Variants in CCNC observed in about 807,000 individuals in gnomAD.
CCNC encodes the protein cyclin C.
In CCNC, 19 loss-of-function variants were observed where a neutral mutation model predicts 50.0. That is an observed-to-expected ratio of 0.38 (90% CI 0.27 to 0.56). The LOEUF is 0.56. CCNC is among the 20% of genes least tolerant of loss of function. The pLI is 0.72. For missense variants in CCNC, 200 were observed against 327.1 expected (o/e 0.61, Z 3.00); for synonymous variants, 93 against 103.7 (o/e 0.90, Z 0.63).
Position 99,549,032 on chromosome 6 carries a change from T to C in CCNC, c.598+476A>G, listed in dbSNP as rs553866448. ...GAGGTAAAGTTTAAGCCTAGGACTA[T>C]CTGACTCCACCCATTACAGCACTGC... is the stretch of plus-strand genomic sequence containing the variant. On this transcript the variant is annotated intron_variant, in intron 9 of 11. Coordinates refer to ENST00000520429, the MANE Select transcript of CCNC (RefSeq NM_005190.4). Among the ~76,000 whole-genome samples the C allele has an allele frequency of 2.4e-4, 36 of 152,222 alleles. No homozygotes were observed. In the South Asian group the frequency reaches 3.3e-3, roughly 14 times the overall value.
In CCNC at chr6:99,543,620, G is replaced by A. The variant is rs149039095; in HGVS notation, c.798-11C>T. ...CCCTGCTCTCCTTCACTGTTCAAAT[G>A]GGGAAGAAAGAGATTTTATACCAAT... On this transcript the variant is annotated splice_polypyrimidine_tract_variant and intron_variant, in intron 11 of 11. Coordinates refer to ENST00000520429, the MANE Select transcript of CCNC (RefSeq NM_005190.4). The A allele has an allele frequency of 1.4e-4, 223 of 1,612,730 alleles. 1 individual carries two copies. In the East Asian group the frequency reaches 4.9e-3, roughly 36 times the overall value.
At position 99,561,348 on chromosome 6, in the gene CCNC, A is replaced by T. The variant is rs760022585; in HGVS notation, c.294+19T>A. The stretch of plus-strand genomic sequence containing the variant: ...TACATTGACTACACTTTGATGAAGA[A>T]CAGAAAATTGTTTTATACCTCTACT... On this transcript the variant is annotated intron_variant, in intron 4 of 11. Transcript: ENST00000520429. 12 of 1,545,428 alleles carry T rather than the reference A, an allele frequency of 7.8e-6. No homozygotes were observed. The highest frequency in any genetic ancestry group is 1.4e-5 in the African/African-American group (1 of 73,418).
intron 1 of CCNC, among the ~76,000 whole-genome samples, chr6:99,566,216 A>C (rs555756878): frequency 6.6e-6 from 1 of 152,030 alleles, no homozygotes; most frequent in South Asian, 2.1e-4. Context: ...TCTAAGAATT[A>C]GCTTTTATAA....
In CCNC at chr6:99,556,945, A is replaced by C. The variant is rs182207406; in HGVS notation, c.346+1552T>G. On this transcript the variant is annotated intron_variant, in intron 5 of 11. Coordinates refer to ENST00000520429, the MANE Select transcript of CCNC (RefSeq NM_005190.4). The stretch of plus-strand genomic sequence containing the variant: ...CAAATAACTAACTTTCATTACTGTC[A>C]ATAGAACAAAGTGCAGATTCCTTCA... Among the ~76,000 whole-genome samples the C allele has an allele frequency of 2.5e-3, 379 of 152,316 alleles. 6 individuals carry two copies. Among genetic ancestry groups the C allele is most frequent in the Admixed American group, 6.3e-3 (97 of 15,300 alleles).
intron 1 of CCNC, chr6:99,568,219 A>G (rs1769236812): frequency 3.9e-6 from 2 of 513,314 alleles, no homozygotes; most frequent in Non-Finnish European, 7.0e-6. Flanking sequence ...TAGCTAAACC[A>G]AGAATCCGAA....
At chr6:99,567,143 A>G (rs1303955807) in intron 1 of CCNC, 2 of 212,558 alleles carry the variant, frequency 9.4e-6, no homozygotes, top group Non-Finnish European at 1.9e-5. Flanking sequence ...CTATGAATAA[A>G]TGAAAGCATA....
chr6:99,545,276 C>T (rs1222376557), intron 10 of CCNC, 46 bp from the exon 11 acceptor site: 2 of 953,702 alleles, frequency 2.1e-6, no homozygotes, highest in Non-Finnish European at 3.4e-6. Context: ...AAACAAGCAA[C>T]ATTTTTTATA....
At chr6:99,568,756 C>T (rs964166167), upstream of CCNC, 24 of 1,374,030 alleles carry the variant, frequency 1.7e-5, 1 homozygote, top group South Asian at 1.6e-4. Context: ...TTCCGGCCCG[C>T]GGTAGCGGAG....
At position 99,557,593 on chromosome 6, in the gene CCNC, T is replaced by A. The variant is rs377222391; in HGVS notation, c.346+904A>T. The A allele has an allele frequency of 3.3e-5, 5 of 151,646 alleles. 1 individual carries two copies. The East Asian group carries it at 9.7e-4, about 29-fold the overall frequency. 9.4% of individuals were successfully genotyped at this position (151,646 alleles called of 1,614,324 possible). On this transcript the variant is annotated intron_variant, in intron 5 of 11. Transcript: ENST00000520429. ...AGGCCGAGGCTAGCGGATCACGAGA[T>A]CAGGAGTTTGAGACTAGTCTGGCCA...
intron 11 of CCNC, 24 bp from the exon 12 acceptor site, chr6:99,543,633 A>AT (rs754127755): frequency 2.5e-6 from 4 of 1,612,082 alleles, no homozygotes; most frequent in Non-Finnish European, 3.4e-6. Context: ...GAAGAAAGAG[A>AT]TTTTATACCA....
intron 10 of CCNC, among the ~76,000 whole-genome samples, chr6:99,545,795 T>G (rs1017282560): frequency 6.6e-6 from 1 of 152,306 alleles, no homozygotes; most frequent in South Asian, 2.1e-4. Context: ...TGCCAGGAGA[T>G]AGGCTATGTT....
chr6:99,565,624 T>G (rs1247889512), intron 1 of CCNC, among the ~76,000 whole-genome samples: 1 of 152,078 alleles, frequency 6.6e-6, no homozygotes, highest in African/African-American at 2.4e-5. Context: ...GGCACCCTAA[T>G]TATCTCAATG....
intron 8 of CCNC, among the ~76,000 whole-genome samples, chr6:99,550,005 T>C (rs1053455238): frequency 6.6e-6 from 1 of 152,224 alleles, no homozygotes; most frequent in Non-Finnish European, 1.5e-5. Flanking sequence ...TAAATTTTAA[T>C]AGGTATATTT....
At position 99,568,620 on chromosome 6, in the gene CCNC, G is replaced by T; in HGVS notation, c.-93C>A. On this transcript the variant is annotated 5_prime_UTR_variant, in exon 1 of 12. Coordinates refer to ENST00000520429, the MANE Select transcript of CCNC (RefSeq NM_005190.4). ...AGCCCGTCCGGTAACCGCGCTCCTC[G>T]ATCAAATCAGCTCGGCTCGACTCCG... is the stretch of plus-strand genomic sequence containing the variant. 3 of 1,561,820 alleles carry T rather than the reference G, an allele frequency of 1.9e-6. No individual in the cohort carries two copies. Among genetic ancestry groups the T allele is most frequent in the Non-Finnish European group, 2.6e-6 (3 of 1,155,064 alleles).
chr6:99,558,640 A>G, intron 4 of CCNC, 92 bp from the exon 5 acceptor site: 2 of 1,214,746 alleles, frequency 1.6e-6, no homozygotes, highest in South Asian at 1.6e-5. Context: ...CCTGTTTACA[A>G]TCTGTTCACC....
chr6:99,562,724 C>G (rs1802833517), intron 2 of CCNC, 118 bp downstream of exon 2: 1 of 588,588 alleles, frequency 1.7e-6, no homozygotes, highest in Admixed American at 3.5e-5. Flanking sequence ...AAAAAGAATA[C>G]CTGTATAAGC....
chr6:99,555,762 T>C (rs996356763), intron 5 of CCNC, among the ~76,000 whole-genome samples: 1 of 152,158 alleles, frequency 6.6e-6, no homozygotes, highest in Non-Finnish European at 1.5e-5. Context: ...TTAAATGTTA[T>C]CAAATTCCAA....
intron 10 of CCNC, 46 bp from the exon 11 acceptor site, chr6:99,545,276 C>G: frequency 1.0e-6 from 1 of 953,820 alleles, no homozygotes; most frequent in Non-Finnish European, 1.7e-6. Context: ...AAACAAGCAA[C>G]ATTTTTTATA....
rs1326891382 is a variant in CCNC, at chr6:99,567,394, C to CAT, written c.32+1100_32+1101dup. Among the ~76,000 whole-genome samples the CAT allele has an allele frequency of 1.8e-3, 256 of 138,414 alleles. 1 individual carries two copies. The highest frequency in any genetic ancestry group is 7.5e-3 in the Middle Eastern group (2 of 268). The allele number at this position is 138,414 out of a possible 152,430, so 90.8% of individuals were successfully genotyped here. A position where few individuals can be genotyped will look rare whatever the true frequency, so the allele number is the denominator to read the frequency against. ...AAACAATGCAACATATATACACACA[C>CAT]ATATATATATACATACACACACACA... On this transcript the variant is annotated intron_variant, in intron 1 of 11. Coordinates refer to ENST00000520429, the MANE Select transcript of CCNC (RefSeq NM_005190.4).
Sources: gnomAD v4.1 joint callset for allele counts (sites outside exome capture counted in the v4.1 genomes callset) on GRCh38, gnomAD v4.1.1 for gene constraint, MANE v1.5 for transcripts, NCBI Gene and HGNC (gene_info 2026-07-23, HGNC 2026-07-21) for gene names.